The following PTGER4 variants were observed in gnomAD, a reference collection of about 807,000 sequenced individuals.
The protein encoded by PTGER4 is prostaglandin E2 receptor EP4 subtype.
PTGER4 carries 11 observed loss-of-function variants against 33.2 expected under a neutral mutation model. The observed-to-expected ratio is 0.33, with a 90% CI of 0.21 to 0.55. The LOEUF is 0.55. PTGER4 is among the 20% of genes least tolerant of loss of function. The probability of loss-of-function intolerance (pLI) is 0.92; values close to 1 mark genes in which losing one functional copy is unlikely to be tolerated. For synonymous variants in PTGER4, 275 were observed against 281.5 expected, an observed-to-expected ratio of 0.98 and a Z score of 0.23; for missense variants, 481 against 650.2, an observed-to-expected ratio of 0.74 and a Z score of 2.83.
At chr5:40,738,567 T>TAAAATAAAATATAAAATAAA in the PTGER4 span, among the ~76,000 whole-genome samples, 28 of 67,588 alleles carry the variant, frequency 4.1e-4, no homozygotes, top group Admixed American at 6.3e-4. Flanking sequence ...TAAAATAAAA[T>TAAAATAAAATATAAAATAAA]ATAAAATAAA....
At chr5:40,687,002 GA>G (rs1337058315) in intron 2 of PTGER4, among the ~76,000 whole-genome samples, 3 of 152,110 alleles carry the variant, frequency 2.0e-5, no homozygotes, top group Non-Finnish European at 4.4e-5. Context: ...TGGAAGAAAG[GA>G]GATACGTTGT....
the PTGER4 span, among the ~76,000 whole-genome samples, chr5:40,741,903 C>T: frequency 6.6e-6 from 1 of 152,026 alleles, no homozygotes; most frequent in African/African-American, 2.4e-5. Flanking sequence ...GCAGGAGAAC[C>T]GCTTGAGCCT....
the PTGER4 span, among the ~76,000 whole-genome samples, chr5:40,729,664 A>C: frequency 6.6e-6 from 1 of 152,186 alleles, no homozygotes; most frequent in South Asian, 2.1e-4. Flanking sequence ...TTTTTCATCT[A>C]AGAGCTCAAC....
chr5:40,722,303 A>T, the PTGER4 span, among the ~76,000 whole-genome samples: 2 of 152,116 alleles, frequency 1.3e-5, no homozygotes, highest in African/African-American at 4.8e-5. Flanking sequence ...AAGTGCCGAG[A>T]TTGCATCCTC....
chr5:40,688,270 G>A (rs1741378427), intron 2 of PTGER4, among the ~76,000 whole-genome samples: 1 of 152,110 alleles, frequency 6.6e-6, no homozygotes, highest in South Asian at 2.1e-4. Flanking sequence ...TCTCGGAGAT[G>A]GCTTTACACA....
the PTGER4 span, chr5:40,715,015 T>C: frequency 4.6e-5 from 7 of 152,064 alleles, no homozygotes; most frequent in African/African-American, 9.7e-5. Flanking sequence ...CTGTGGACTT[T>C]CAATAAAATT....
the PTGER4 span, among the ~76,000 whole-genome samples, chr5:40,719,045 A>G: frequency 7.9e-3 from 1,199 of 152,342 alleles, 12 homozygotes; most frequent in Non-Finnish European, 9.6e-3. Flanking sequence ...GCCTTAGGAA[A>G]CATTAAAAGG....
At chr5:40,723,507 CAAATTA>C in the PTGER4 span, among the ~76,000 whole-genome samples, 1,090 of 98,074 alleles carry the variant, frequency 0.011, 8 homozygotes, top group African/African-American at 0.037. Context: ...AAAGCTAACT[CAAATTA>C]AAAAAAAAAA....
At chr5:40,746,134 G>A in the PTGER4 span, among the ~76,000 whole-genome samples, 3 of 151,952 alleles carry the variant, frequency 2.0e-5, no homozygotes, top group African/African-American at 7.3e-5. Flanking sequence ...TAAAAAATTT[G>A]TCTTTTCCCC....
chr5:40,685,554 T>G, intron 2 of PTGER4: 1 of 643,466 alleles, frequency 1.6e-6, no homozygotes, highest in Non-Finnish European at 1.9e-6. Flanking sequence ...AAAATTGCAA[T>G]GCCTAGAAGG....
intron 2 of PTGER4, among the ~76,000 whole-genome samples, chr5:40,689,723 T>G (rs1741422312): frequency 6.6e-6 from 1 of 152,206 alleles, no homozygotes. Flanking sequence ...TTGTTAGAGA[T>G]ATTTGCCCCT....
At chr5:40,730,338 C>T in the PTGER4 span, 22 of 1,611,758 alleles carry the variant, frequency 1.4e-5, no homozygotes, top group East Asian at 4.5e-5. Context: ...AATTGCCTCC[C>T]GATATCTGTG....
chr5:40,697,342 T>G (rs1239215746), downstream of PTGER4, among the ~76,000 whole-genome samples: 1 of 151,336 alleles, frequency 6.6e-6, no homozygotes, highest in African/African-American at 2.4e-5. Context: ...TCCCAGCACT[T>G]TGGAAGGCCG....
At chr5:40,715,944 G>A in the PTGER4 span, 4 of 445,808 alleles carry the variant, frequency 9.0e-6, no homozygotes, top group Non-Finnish European at 1.6e-5. Flanking sequence ...TTTTAACCTT[G>A]AGAAATATAA....
Position 40,681,871 on chromosome 5 carries a change from G to C in PTGER4, c.867+11G>C, listed in dbSNP as rs776922580. ...TCCATCCCGCTCGTGGTGAGTGACC[G>C]GGGCTGGGGCCCTACTCGGCCTTTT... is the stretch of plus-strand genomic sequence containing the variant. On this transcript the variant is annotated intron_variant, in intron 2 of 2. Transcript: ENST00000302472. This position sits in a 1 kb window ranked among gnomAD's most constrained non-coding sequence, Gnocchi z 9.8. 1.3e-5 allele frequency: 19 copies of C among 1,491,372 alleles called. No homozygotes were observed. In the East Asian group the frequency reaches 2.0e-4, roughly 16 times the overall value. 92.4% of individuals were successfully genotyped at this position (1,491,372 alleles called of 1,614,324 possible). A position where few individuals can be genotyped will look rare whatever the true frequency, so the allele number is the denominator to read the frequency against.
At chr5:40,726,005 TC>T in the PTGER4 span, among the ~76,000 whole-genome samples, 1 of 151,710 alleles carries the variant, frequency 6.6e-6, no homozygotes, top group Admixed American at 6.6e-5. Context: ...CAGGATGGTC[TC>T]AATCTCCTGA....
chr5:40,714,546 T>C, the PTGER4 span: 1 of 152,256 alleles, frequency 6.6e-6, no homozygotes, highest in East Asian at 1.9e-4. Flanking sequence ...ATATACCAAA[T>C]GTTGAGTACT....
rs1741207835 is a variant in PTGER4 at position 40,681,976 on chromosome 5, G to T, written c.867+116G>T. On this transcript the variant is annotated intron_variant, in intron 2 of 2. Transcript: ENST00000302472. This position sits in a 1 kb window ranked among gnomAD's most constrained non-coding sequence, Gnocchi z 9.8. ...TTGGCAGTGAACGTGTCGCCTTTAG[G>T]TCGGGGCTGGGATTCCCACACTGTT... The T allele has an allele frequency of 1.5e-6, 2 of 1,301,120 alleles. No individual in the cohort carries two copies. Among genetic ancestry groups the T allele is most frequent in the Non-Finnish European group, 2.0e-6 (2 of 981,206 alleles). 80.6% of individuals were successfully genotyped at this position (1,301,120 alleles called of 1,614,324 possible).
chr5:40,715,931 G>A, the PTGER4 span: 1 of 434,642 alleles, frequency 2.3e-6, no homozygotes, highest in Admixed American at 4.0e-5. Context: ...ATTTTACTCA[G>A]AATTTTAACC....
Sources: allele counts gnomAD v4.1 joint callset (sites outside exome capture counted in the v4.1 genomes callset), GRCh38; gene constraint gnomAD v4.1.1; non-coding constraint Gnocchi (gnomAD v3.1); transcripts MANE v1.5; gene names NCBI Gene and HGNC (gene_info 2026-07-23, HGNC 2026-07-21).